The following CACNA2D1 variants were observed in gnomAD, a reference collection of about 807,000 sequenced individuals.
The protein encoded by CACNA2D1 is calcium voltage-gated channel auxiliary subunit alpha2delta 1, also known as voltage-dependent calcium channel subunit alpha-2/delta-1.
CACNA2D1 carries 53 observed loss-of-function variants against 171.5 expected under a neutral mutation model. That is an observed-to-expected ratio of 0.31 (90% confidence interval 0.25 to 0.39). The LOEUF (loss-of-function observed/expected upper bound fraction) is 0.39, where lower values mean the gene tolerates loss of function less well. Ranked by LOEUF, CACNA2D1 falls within the 10% of genes least tolerant of loss-of-function variation. CACNA2D1 has a pLI of 1.00. For synonymous variants in CACNA2D1, 442 were observed against 443.1 expected, an observed-to-expected ratio of 1.00 and a Z score of 0.03; for missense variants, 903 against 1,299.8, an observed-to-expected ratio of 0.69 and a Z score of 4.69.
intron 3 of CACNA2D1, among the ~76,000 whole-genome samples, chr7:82,273,488 T>G (rs1234607678): frequency 6.6e-6 from 1 of 151,494 alleles, no homozygotes; most frequent in African/African-American, 2.4e-5. Flanking sequence ...ATTTTCTATT[T>G]TATTATTATT....
chr7:82,083,263 T>C (rs931615601), intron 7 of CACNA2D1, among the ~76,000 whole-genome samples: 1 of 152,042 alleles, frequency 6.6e-6, no homozygotes, highest in East Asian at 1.9e-4. Flanking sequence ...ATTCTTATAT[T>C]TGTATATTAT....
At chr7:82,262,248 G>A (rs1392424733) in intron 3 of CACNA2D1, among the ~76,000 whole-genome samples, 4 of 152,112 alleles carry the variant, frequency 2.6e-5, no homozygotes, top group Non-Finnish European at 4.4e-5. Context: ...GGAGAATGGC[G>A]TGAACCCAGG....
At chr7:82,229,763 C>T (rs1369145752) in intron 3 of CACNA2D1, among the ~76,000 whole-genome samples, 1 of 151,700 alleles carries the variant, frequency 6.6e-6, no homozygotes. Flanking sequence ...ATTCTGGGCT[C>T]AAGTATTCCT....
At chr7:82,412,745 C>T (rs1342524754) in intron 1 of CACNA2D1, among the ~76,000 whole-genome samples, 1 of 151,546 alleles carries the variant, frequency 6.6e-6, no homozygotes, top group Non-Finnish European at 1.5e-5. Flanking sequence ...AGAAAATCAT[C>T]AATTCTTGGT....
intron 10 of CACNA2D1, among the ~76,000 whole-genome samples, chr7:82,045,524 T>C (rs2131268835): frequency 6.6e-6 from 1 of 152,298 alleles, no homozygotes; most frequent in East Asian, 1.9e-4. Flanking sequence ...CCCAACACTA[T>C]GAGGTGATAA....
chr7:82,381,051 G>A (rs915831526), intron 1 of CACNA2D1, among the ~76,000 whole-genome samples: 4 of 151,730 alleles, frequency 2.6e-5, no homozygotes, highest in South Asian at 2.1e-4. Flanking sequence ...GGTGGCTCAC[G>A]CCTGTAATCC....
At chr7:82,405,664 G>A (rs1352940790) in intron 1 of CACNA2D1, among the ~76,000 whole-genome samples, 1 of 152,142 alleles carries the variant, frequency 6.6e-6, no homozygotes, top group Non-Finnish European at 1.5e-5. Context: ...TATCATGACT[G>A]TACAATTGGA....
intron 3 of CACNA2D1, among the ~76,000 whole-genome samples, chr7:82,247,482 C>A (rs1216292906): frequency 1.3e-5 from 2 of 150,710 alleles, no homozygotes; most frequent in South Asian, 2.1e-4. Flanking sequence ...TGGACTCCAG[C>A]AAAAGAGCCA....
intron 2 of CACNA2D1, among the ~76,000 whole-genome samples, chr7:82,336,831 A>C (rs1201725097): frequency 2.0e-5 from 3 of 152,174 alleles, no homozygotes; most frequent in Non-Finnish European, 2.9e-5. Flanking sequence ...CAATAGAGCT[A>C]ATTGGTGTGA....
intron 1 of CACNA2D1, among the ~76,000 whole-genome samples, chr7:82,370,017 G>T (rs1182829894): frequency 6.6e-6 from 1 of 151,790 alleles, no homozygotes; most frequent in Non-Finnish European, 1.5e-5. Context: ...TTTTATTCTT[G>T]CTAAAATATT....
chr7:82,040,451 T>TA (rs1269027418), intron 10 of CACNA2D1, among the ~76,000 whole-genome samples: 93 of 22,160 alleles, frequency 4.2e-3, no homozygotes, highest in African/African-American at 0.019. Flanking sequence ...AATAATTTAT[T>TA]CAAAAAAAAA....
At chr7:82,332,435 CT>C (rs1817420799) in intron 3 of CACNA2D1, among the ~76,000 whole-genome samples, 1 of 151,430 alleles carries the variant, frequency 6.6e-6, no homozygotes, top group Admixed American at 6.6e-5. Flanking sequence ...ACCTGCTACA[CT>C]ACAACAATAT....
intron 3 of CACNA2D1, among the ~76,000 whole-genome samples, chr7:82,236,967 C>A (rs1325415030): frequency 1.3e-5 from 2 of 151,774 alleles, no homozygotes; most frequent in African/African-American, 4.8e-5. Flanking sequence ...ATGGTTAAAT[C>A]CATTTACATT....
Position 81,984,691 on chromosome 7 carries a change from G to A in CACNA2D1, c.1817C>T (p.Thr606Ile). 6.4e-7 allele frequency: 1 copy of A among 1,560,584 alleles called. No homozygotes were observed. The highest frequency in any genetic ancestry group is 8.7e-7 in the Non-Finnish European group (1 of 1,145,358). Residue 606 changes from threonine to isoleucine, a missense_variant, in exon 22 of 39, where the codon ACC (threonine) becomes ATC (isoleucine). Around this residue, in one of 5 missense-constraint regions of CACNA2D1, gnomAD observed 623 missense variants for 925.5 expected, o/e 0.67. Transcript: ENST00000356860. ...TDYSLALVLP[T>I]YSFYYIKAKL... ...GGCTTTTATATAGTAAAAACTGTAG[G>A]TTGGTAATACCAAGGCCAAACTGCA...
At chr7:81,974,393 T>G in intron 25 of CACNA2D1, 62 bp downstream of exon 25, 1 of 812,618 alleles carries the variant, frequency 1.2e-6, no homozygotes, top group Admixed American at 1.9e-5. Flanking sequence ...TCGTATCCTA[T>G]GATATACTAT....
At chr7:82,002,051 A>G (rs1798674478) in intron 18 of CACNA2D1, among the ~76,000 whole-genome samples, 1 of 143,564 alleles carries the variant, frequency 7.0e-6, no homozygotes, top group African/African-American at 2.5e-5. Context: ...AAAGAGAGAG[A>G]GAGAGAGAGA....
At chr7:82,434,297 C>T (rs760762370) in intron 1 of CACNA2D1, among the ~76,000 whole-genome samples, 1 of 152,152 alleles carries the variant, frequency 6.6e-6, no homozygotes, top group Non-Finnish European at 1.5e-5. Context: ...GTACAATCTA[C>T]AATCCCAAAC....
At chr7:82,321,772 G>C (rs1409978541) in intron 3 of CACNA2D1, among the ~76,000 whole-genome samples, 1 of 152,128 alleles carries the variant, frequency 6.6e-6, no homozygotes, top group Non-Finnish European at 1.5e-5. Flanking sequence ...ACACAGGAGA[G>C]AGAAAAGAAA....
intron 3 of CACNA2D1, among the ~76,000 whole-genome samples, chr7:82,177,068 A>ATTTTTT (rs1181991934): frequency 1.8e-5 from 1 of 55,228 alleles, no homozygotes. Flanking sequence ...ACAGGTCTCT[A>ATTTTTT]TTTTTTTTTT....
Sources: allele counts gnomAD v4.1 joint callset (sites outside exome capture counted in the v4.1 genomes callset), GRCh38; gene constraint gnomAD v4.1.1; regional missense constraint gnomAD v4.1.1; transcripts MANE v1.5; gene names NCBI Gene and HGNC (gene_info 2026-07-23, HGNC 2026-07-21).